EMC3: variants seen among roughly 807,000 people sequenced by gnomAD.
The protein encoded by EMC3 is ER membrane protein complex subunit 3.
A neutral mutation model predicts 36.6 loss-of-function variants in EMC3; 13 were observed. The ratio of observed to expected loss-of-function variants is 0.35; its 90% confidence interval spans 0.23 to 0.56. EMC3 has a LOEUF of 0.56. Ranked by LOEUF, EMC3 falls within the 20% of genes least tolerant of loss-of-function variation. EMC3 has a pLI of 0.84. For missense variants in EMC3, 220 were observed against 324.5 expected (o/e 0.68, Z 2.47); for synonymous variants, 120 against 111.9 (o/e 1.07, Z -0.46).
intron 1 of EMC3, among the ~76,000 whole-genome samples, chr3:9,997,387 C>A (rs1377830579): frequency 6.6e-6 from 1 of 152,122 alleles, no homozygotes. Context: ...TTTCAAGGTT[C>A]ATGTATGTTG....
At chr3:9,996,384 A>C (rs779847852) in intron 1 of EMC3, among the ~76,000 whole-genome samples, 1 of 152,144 alleles carries the variant, frequency 6.6e-6, no homozygotes, top group Non-Finnish European at 1.5e-5. Context: ...AGTTGAGGCT[A>C]CAGTGAGCCA....
intron 7 of EMC3, chr3:9,968,870 G>C (rs572848053): frequency 8.6e-5 from 13 of 151,568 alleles, no homozygotes; most frequent in African/African-American, 3.2e-4. Flanking sequence ...CCAGGCTGGA[G>C]TGCAATGGTG....
chr3:9,988,115 G>C (rs2086000994), upstream of EMC3: 1 of 548,772 alleles, frequency 1.8e-6, no homozygotes, highest in African/African-American at 1.9e-5. Flanking sequence ...TACAAATAAT[G>C]GTACTATTAT....
intron 7 of EMC3, among the ~76,000 whole-genome samples, chr3:9,965,286 T>C (rs2085725721): frequency 6.6e-6 from 1 of 151,926 alleles, no homozygotes; most frequent in Admixed American, 6.6e-5. Flanking sequence ...GGTGTGTGCC[T>C]GTAGTACTGG....
At chr3:9,987,930 T>C, upstream of EMC3, 1 of 1,029,966 alleles carries the variant, frequency 9.7e-7, no homozygotes, top group Non-Finnish European at 1.5e-6. Flanking sequence ...TCGGGAGAAG[T>C]TGGATCCTGC....
At chr3:9,972,487 C>T (rs35056669) in intron 5 of EMC3, among the ~76,000 whole-genome samples, 33,386 of 146,574 alleles carry the variant, frequency 0.23, 4,416 homozygotes, top group African/African-American at 0.36. Flanking sequence ...AAAAAAAACT[C>T]TGGCCAGGCG....
chr3:10,006,444 TG>T (rs2086262854), intron 1 of EMC3: 2 of 152,400 alleles, frequency 1.3e-5, no homozygotes, highest in African/African-American at 4.8e-5. Flanking sequence ...CTGTCTTTAT[TG>T]TATTGCTTCA....
At chr3:9,992,865 A>G in intron 1 of EMC3, 4 of 1,444,098 alleles carry the variant, frequency 2.8e-6, no homozygotes, top group African/African-American at 2.8e-5. Flanking sequence ...CTATTATTGC[A>G]TATTTATTGA....
chr3:9,978,204 AC>A (rs1284583936), intron 1 of EMC3: 51 of 141,020 alleles, frequency 3.6e-4, no homozygotes, highest in African/African-American at 1.3e-3. Context: ...GGCTGGTGGC[AC>A]GTGCCTGTAG....
At chr3:9,979,101 C>T (rs1000573300) in intron 1 of EMC3, among the ~76,000 whole-genome samples, 3 of 152,176 alleles carry the variant, frequency 2.0e-5, no homozygotes, top group African/African-American at 7.2e-5. Flanking sequence ...TCTGCTTCCT[C>T]CTCCTGAGCT....
chr3:9,976,992 GT>G lies in EMC3; in HGVS notation c.271del (p.Thr91LeufsTer5). 6.2e-7 allele frequency: 1 copy of G among 1,610,774 alleles called. No homozygotes were observed. ...NNPEDGFFKKTKRKVVPPSPM... is the reference protein window; with the variant it reads ...NNPEDGFFKKXKRKVVPPSPM... ...AGAAGGTGGCACTACCTTCCGTTTA[GT>G]TTTTTTGAAAAATCCATCCTCTGGG... On this transcript the variant is annotated frameshift_variant, in exon 3 of 8. Transcript: ENST00000245046. LOFTEE classifies it high-confidence loss of function.
chr3:10,007,544 G>T (rs201973931), intron 1 of EMC3: 1,167 of 1,367,674 alleles, frequency 8.5e-4, no homozygotes, highest in Non-Finnish European at 1.1e-3. Flanking sequence ...CCCCTCAGAG[G>T]CCTGACGTAG....
chr3:9,986,162 T>C (rs557037648), intron 1 of EMC3, among the ~76,000 whole-genome samples: 2 of 152,160 alleles, frequency 1.3e-5, no homozygotes, highest in Admixed American at 6.5e-5. Context: ...CCTGGCACTC[T>C]TCTCAACGGA....
intron 4 of EMC3, 125 bp from the exon 5 acceptor site, chr3:9,973,834 A>T: frequency 1.2e-6 from 1 of 814,930 alleles, no homozygotes. Context: ...TCCACAAGGA[A>T]ATCTGTGGCA....
At chr3:9,997,918 G>A (rs953478817) in intron 1 of EMC3, among the ~76,000 whole-genome samples, 2 of 152,110 alleles carry the variant, frequency 1.3e-5, no homozygotes, top group African/African-American at 4.8e-5. Context: ...GTATATAAGA[G>A]TGGAATTGCT....
intron 1 of EMC3, among the ~76,000 whole-genome samples, chr3:10,002,406 A>G (rs2086215118): frequency 6.6e-6 from 1 of 152,010 alleles, no homozygotes; most frequent in Non-Finnish European, 1.5e-5. Flanking sequence ...CTCCCACCTC[A>G]GCCTTCCGAG....
At position 9,964,084 on chromosome 3, in the gene EMC3, C is replaced by G; in HGVS notation, c.771G>C (p.Gln257His). The G allele has an allele frequency of 1.2e-6, 2 of 1,614,164 alleles. No individual in the cohort carries two copies. The highest frequency in any genetic ancestry group is 1.7e-6 in the Non-Finnish European group (2 of 1,180,026). Residue 257 changes from glutamine to histidine, a missense_variant, in exon 8 of 8, where the codon CAG becomes CAC. Around this residue, in one of 3 missense-constraint regions of EMC3, gnomAD observed 37 missense variants for 32.9 expected, o/e 1.13. Transcript: ENST00000245046. ...HFEGMFKKEL[Q>H]TSIF The stretch of plus-strand genomic sequence containing the variant: ...TGCTCGGTCTTCAAAAAATAGAGGT[C>G]TGTAATTCCTTTTTGAACATGCCTT...
chr3:10,000,680 G>C (rs1409037458), intron 1 of EMC3: 1 of 476,060 alleles, frequency 2.1e-6, no homozygotes, highest in Admixed American at 2.3e-5. Flanking sequence ...TATCAAGCCT[G>C]CCCTTTCTGC....
intron 6 of EMC3, 59 bp from the exon 7 acceptor site, chr3:9,969,860 A>C: frequency 3.8e-6 from 6 of 1,596,864 alleles, no homozygotes; most frequent in Non-Finnish European, 5.1e-6. Context: ...CCAGCACCCA[A>C]GGGGAAGAAT....
Sources: allele counts gnomAD v4.1 joint callset (sites outside exome capture counted in the v4.1 genomes callset), GRCh38; gene constraint gnomAD v4.1.1; regional missense constraint gnomAD v4.1.1; transcripts MANE v1.5; gene names NCBI Gene and HGNC (gene_info 2026-07-23, HGNC 2026-07-21).